The following CAMTA1 variants were observed in gnomAD, a reference collection of about 807,000 sequenced individuals.
CAMTA1 encodes calmodulin binding transcription activator 1.
In CAMTA1, 27 loss-of-function variants were observed where a neutral mutation model predicts 170.9. That is an observed-to-expected ratio of 0.16 (90% CI 0.12 to 0.22). CAMTA1 has a LOEUF of 0.22. Among genes scored for constraint, CAMTA1 ranks in the 10% least tolerant of loss-of-function variants. The pLI is 1.00. For missense variants in CAMTA1, 1,619 were observed against 2,217.2 expected, an observed-to-expected ratio of 0.73 and a Z score of 5.42; for synonymous variants, 833 against 891.5, an observed-to-expected ratio of 0.93 and a Z score of 1.17.
At chr1:7,054,018 T>TG (rs1291624109) in intron 3 of CAMTA1, among the ~76,000 whole-genome samples, 2 of 152,192 alleles carry the variant, frequency 1.3e-5, no homozygotes, top group Non-Finnish European at 2.9e-5. Context: ...TGTCCTGGGC[T>TG]GGGGGGTCCC....
rs2096743157 is a variant in CAMTA1, at chr1:7,732,715, A to G, written c.3066+116A>G. ...GCTGATGCGGTCCCTGTATTCAGGC[A>G]GAAGGCCTGAGGGAGTACTTTACGG... is the stretch of plus-strand genomic sequence containing the variant. On this transcript the variant is annotated intron_variant, in intron 12 of 22. Coordinates refer to ENST00000303635, the MANE Select transcript of CAMTA1 (RefSeq NM_015215.4). The surrounding 1 kb of genome is among the most constrained non-coding windows in gnomAD (Gnocchi z 4.1). The G allele has an allele frequency of 7.3e-6, 10 of 1,363,084 alleles. No homozygotes were observed. In the East Asian group the frequency reaches 2.5e-4, roughly 34 times the overall value. 84.4% of individuals were successfully genotyped at this position (1,363,084 alleles called of 1,614,324 possible). A position where few individuals can be genotyped will look rare whatever the true frequency, so the allele number is the denominator to read the frequency against.
intron 5 of CAMTA1, among the ~76,000 whole-genome samples, chr1:7,444,309 GA>G (rs1209733460): frequency 6.6e-6 from 1 of 152,184 alleles, no homozygotes; most frequent in East Asian, 1.9e-4. Context: ...AGTGGTTTCT[GA>G]GGACCCACTC....
At chr1:7,058,753 T>G (rs1442111322) in intron 3 of CAMTA1, among the ~76,000 whole-genome samples, 1 of 152,162 alleles carries the variant, frequency 6.6e-6, no homozygotes, top group African/African-American at 2.4e-5. Context: ...CTCCTTTCCT[T>G]AAACTAGCAC....
chr1:6,886,203 A>G (rs1208504478), intron 3 of CAMTA1: 1 of 455,420 alleles, frequency 2.2e-6, no homozygotes, highest in Non-Finnish European at 4.4e-6. Flanking sequence ...AGTGTTTTGG[A>G]GGAAGAGAAG....
chr1:7,630,432 G>A (rs542711294), intron 6 of CAMTA1, among the ~76,000 whole-genome samples: 1 of 152,190 alleles, frequency 6.6e-6, no homozygotes, highest in Non-Finnish European at 1.5e-5. Context: ...AAGGAGGCAG[G>A]GCAAGCCAGC....
intron 6 of CAMTA1, among the ~76,000 whole-genome samples, chr1:7,583,773 G>A (rs911288993): frequency 2.0e-5 from 3 of 149,348 alleles, no homozygotes; most frequent in Non-Finnish European, 4.4e-5. Flanking sequence ...TGCACAGGAA[G>A]ACACAGGGGG....
intron 6 of CAMTA1, among the ~76,000 whole-genome samples, chr1:7,544,268 G>T (rs1438107629): frequency 1.3e-5 from 2 of 152,176 alleles, no homozygotes; most frequent in African/African-American, 4.8e-5. Context: ...CAGATTTCAT[G>T]AGACTTTTTC....
Position 7,748,007 on chromosome 1 carries a change from G to A in CAMTA1, c.4689+226G>A, listed in dbSNP as rs1321904459. Among the ~76,000 whole-genome samples the A allele has an allele frequency of 1.3e-5, 2 of 151,736 alleles. No homozygotes were observed. The highest frequency in any genetic ancestry group is 2.9e-5 in the Non-Finnish European group (2 of 67,958). On this transcript the variant is annotated intron_variant, in intron 19 of 22. Coordinates refer to ENST00000303635, the MANE Select transcript of CAMTA1 (RefSeq NM_015215.4). This position sits in a 1 kb window ranked among gnomAD's most constrained non-coding sequence, Gnocchi z 4.7. ...GGCTCACTGCAACCTCCACCTCCCAGGTTCAAGCGATTCTCCTGCCTCAGC... is the reference window on the plus strand; with the variant it reads ...GGCTCACTGCAACCTCCACCTCCCAAGTTCAAGCGATTCTCCTGCCTCAGC...
At chr1:7,075,435 C>G (rs1639164637) in intron 3 of CAMTA1, among the ~76,000 whole-genome samples, 1 of 152,198 alleles carries the variant, frequency 6.6e-6, no homozygotes, top group Admixed American at 6.5e-5. Context: ...CCAATTTCCA[C>G]TTTAAATTGG....
rs76484812 is a variant in CAMTA1 at position 6,858,390 on chromosome 1, A to G, written c.234+33180A>G. Among the ~76,000 whole-genome samples the G allele has an allele frequency of 2.7e-3, 378 of 141,450 alleles. 2 individuals are homozygous for G. Among genetic ancestry groups the G allele is most frequent in the African/African-American group, 9.4e-3 (358 of 37,928 alleles). The allele number at this position is 141,450 out of a possible 152,430, so 92.8% of individuals were successfully genotyped here. A position where few individuals can be genotyped will look rare whatever the true frequency, so the allele number is the denominator to read the frequency against. On this transcript the variant is annotated intron_variant, in intron 3 of 22. Transcript: ENST00000303635. ...ATTGAGATTACATATCACTTTGTATATTGAGGTTCTGTTACAACCTGTCTT... is the reference window on the plus strand; with the variant it reads ...ATTGAGATTACATATCACTTTGTATGTTGAGGTTCTGTTACAACCTGTCTT...
At chr1:7,203,183 T>C (rs546038709) in intron 4 of CAMTA1, among the ~76,000 whole-genome samples, 1 of 152,334 alleles carries the variant, frequency 6.6e-6, no homozygotes, top group South Asian at 2.1e-4. Context: ...AACCTTGACT[T>C]CCTGGGATAA....
Position 7,073,456 on chromosome 1 carries a change from T to G in CAMTA1, c.235-17848T>G, listed in dbSNP as rs887724190. Among the ~76,000 whole-genome samples, 4 of 152,022 alleles carry G rather than the reference T, an allele frequency of 2.6e-5. 1 individual carries two copies. Among genetic ancestry groups the G allele is most frequent in the Admixed American group, 6.6e-5 (1 of 15,262 alleles). ...AAGTTCTGAGTCTGGGTGAGATGAC[T>G]GGGGAGGGAGTGGAGATGGTGAACA... On this transcript the variant is annotated intron_variant, in intron 3 of 22. Coordinates refer to ENST00000303635, the MANE Select transcript of CAMTA1 (RefSeq NM_015215.4).
At chr1:7,018,384 A>T (rs995954882) in intron 3 of CAMTA1, among the ~76,000 whole-genome samples, 3 of 152,086 alleles carry the variant, frequency 2.0e-5, no homozygotes, top group Admixed American at 2.0e-4. Flanking sequence ...TAGGGGTTGA[A>T]TGTCTTTTGT....
At chr1:6,833,212 A>C (rs1447261138) in intron 3 of CAMTA1, among the ~76,000 whole-genome samples, 2 of 152,210 alleles carry the variant, frequency 1.3e-5, no homozygotes, top group African/African-American at 4.8e-5. Context: ...ATTTTCTTTT[A>C]AGGAAGAAAT....
chr1:6,852,798 CCGTTGGT>C, intron 3 of CAMTA1, among the ~76,000 whole-genome samples: 1 of 152,196 alleles, frequency 6.6e-6, no homozygotes, highest in Non-Finnish European at 1.5e-5. Flanking sequence ...TGGCCATTGG[CCGTTGGT>C]TATTGAACTC....
chr1:6,950,263 G>GTC (rs1271255104), intron 3 of CAMTA1, among the ~76,000 whole-genome samples: 1 of 152,336 alleles, frequency 6.6e-6, no homozygotes, highest in Non-Finnish European at 1.5e-5. Context: ...ACCAAGAGGA[G>GTC]TCTGGGGCCC....
chr1:7,732,507 G>C lies in CAMTA1; in HGVS notation c.2974G>C (p.Glu992Gln). The change falls in exon 12 of 23, where the codon GAG (glutamate) becomes CAG (glutamine). Residue 992 changes from glutamate to glutamine, a missense_variant. This residue lies in a region of CAMTA1 where 143 missense variants were observed against 184.2 expected (regional missense o/e 0.78). Coordinates refer to ENST00000303635, the MANE Select transcript of CAMTA1 (RefSeq NM_015215.4). This position sits in a 1 kb window ranked among gnomAD's most constrained non-coding sequence, Gnocchi z 4.1. ...GGAGCAGATGGAGAGGAGGATGGCC[G>C]AGATGACGGGGTCCCAGCAGCACAA... Reference protein sequence around the residue: ...RLEQMERRMAEMTGSQQHKQA... With the variant: ...RLEQMERRMAQMTGSQQHKQA... The C allele has an allele frequency of 6.2e-7, 1 of 1,613,980 alleles. No individual in the cohort carries two copies.
chr1:7,287,294 A>G (rs1440599929), intron 5 of CAMTA1, among the ~76,000 whole-genome samples: 2 of 152,132 alleles, frequency 1.3e-5, no homozygotes, highest in African/African-American at 2.4e-5. Flanking sequence ...CAGGGAGAAT[A>G]TGGCCATCAT....
intron 12 of CAMTA1, among the ~76,000 whole-genome samples, chr1:7,735,972 T>C (rs115882413): frequency 0.018 from 2,675 of 151,986 alleles, 70 homozygotes; most frequent in African/African-American, 0.06. Flanking sequence ...GGGGTTAGGG[T>C]TAGGGTTGGC....
Sources: allele counts gnomAD v4.1 joint callset (sites outside exome capture counted in the v4.1 genomes callset), GRCh38; gene constraint gnomAD v4.1.1; regional missense constraint gnomAD v4.1.1; non-coding constraint Gnocchi (gnomAD v3.1); transcripts MANE v1.5; gene names NCBI Gene and HGNC (gene_info 2026-07-23, HGNC 2026-07-21).